MKLN1: variants seen among roughly 807,000 people sequenced by gnomAD.
The protein encoded by MKLN1 is muskelin 1.
In MKLN1, 18 loss-of-function variants were observed where a neutral mutation model predicts 99.0. That is an observed-to-expected ratio of 0.18 (90% CI 0.13 to 0.27). The LOEUF (loss-of-function observed/expected upper bound fraction) is 0.27. Among genes scored for constraint, MKLN1 ranks in the 10% least tolerant of loss-of-function variants. The pLI, the probability that MKLN1 is intolerant of heterozygous loss-of-function variation, is 1.00. For missense variants in MKLN1, 621 were observed against 875.9 expected, an observed-to-expected ratio of 0.71 and a Z score of 3.67; for synonymous variants, 288 against 293.2, an observed-to-expected ratio of 0.98 and a Z score of 0.18.
chr7:131,251,088 C>T (rs969866861), intron 3 of MKLN1, among the ~76,000 whole-genome samples: 15 of 128,772 alleles, frequency 1.2e-4, no homozygotes, highest in African/African-American at 4.0e-4. Flanking sequence ...AGCAATGGGG[C>T]CCAGATGTGT....
Position 131,130,111 on chromosome 7 carries a change from C to T in MKLN1, c.-418-12709C>T, listed in dbSNP as rs1010588810. ...GATGAAAGGATACATTTAAATTAGACAAAATTTAAATTTAGATGAGATTCA... is the reference window on the plus strand; with the variant it reads ...GATGAAAGGATACATTTAAATTAGATAAAATTTAAATTTAGATGAGATTCA... On this transcript the variant is annotated intron_variant, in intron 1 of 7. Transcript: ENST00000416992. Among the ~76,000 whole-genome samples, 10 of 152,066 alleles carry T rather than the reference C, an allele frequency of 6.6e-5. 1 individual carries two copies. Among genetic ancestry groups the T allele is most frequent in the Admixed American group, 2.0e-4 (3 of 15,272 alleles).
intron 1 of MKLN1, among the ~76,000 whole-genome samples, chr7:131,355,390 T>G (rs935743048): frequency 6.6e-6 from 1 of 151,956 alleles, no homozygotes; most frequent in Non-Finnish European, 1.5e-5. Context: ...TTATGATGAG[T>G]CTTTTTATGC....
chr7:131,121,186 GA>G (rs1795362592), intron 1 of MKLN1, among the ~76,000 whole-genome samples: 1 of 152,114 alleles, frequency 6.6e-6, no homozygotes, highest in Non-Finnish European at 1.5e-5. Context: ...TCAAACAACA[GA>G]TCTCGTGAGA....
At chr7:131,176,036 AC>A (rs1285985495) in intron 2 of MKLN1, among the ~76,000 whole-genome samples, 4 of 152,238 alleles carry the variant, frequency 2.6e-5, no homozygotes, top group Admixed American at 6.5e-5. Context: ...GAATTGAGGA[AC>A]TTACTATATT....
chr7:131,472,489 C>T lies in MKLN1; in HGVS notation c.2031+1545C>T, dbSNP rs556243130. The stretch of plus-strand genomic sequence containing the variant: ...TTTCTTCTTTTTAAAATAGTAACAA[C>T]TTAGGATTTTGTGTGCCACCAGCTT... On this transcript the variant is annotated intron_variant, in intron 16 of 17. Transcript: ENST00000352689. 2.6e-5 allele frequency among the ~76,000 whole-genome samples: 4 copies of T among 152,214 alleles called. No homozygotes were observed. The South Asian group carries it at 8.3e-4, about 32-fold the overall frequency.
intron 1 of MKLN1, among the ~76,000 whole-genome samples, chr7:131,134,787 T>G (rs1795623189): frequency 6.6e-6 from 1 of 152,212 alleles, no homozygotes; most frequent in African/African-American, 2.4e-5. Context: ...TTGGCTTTGC[T>G]GGCTCAGTCT....
At chr7:131,276,349 C>G (rs537377292) in intron 3 of MKLN1, among the ~76,000 whole-genome samples, 1 of 152,150 alleles carries the variant, frequency 6.6e-6, no homozygotes, top group South Asian at 2.1e-4. Flanking sequence ...AAAGAAAAGT[C>G]TAGTTCAGAG....
chr7:131,165,916 A>G (rs902185164), intron 2 of MKLN1, among the ~76,000 whole-genome samples: 3 of 152,270 alleles, frequency 2.0e-5, no homozygotes, highest in African/African-American at 7.2e-5. Context: ...GGAATTCGAG[A>G]CTAGCCGGGG....
At position 131,274,187 on chromosome 7, in the gene MKLN1, C is replaced by T. The variant is rs545609112; in HGVS notation, c.-179+71213C>T. On this transcript the variant is annotated intron_variant, in intron 3 of 7. Coordinates refer to the MKLN1 transcript ENST00000416992. ...AACATAAGTTGGGGACGGGGGAGGT[C>T]GTTTGTTCAAAGTCTCCAAGATAAC... is the stretch of plus-strand genomic sequence containing the variant. Among the ~76,000 whole-genome samples, 507 of 152,142 alleles carry T rather than the reference C, an allele frequency of 3.3e-3. 2 individuals are homozygous for T. The highest frequency in any genetic ancestry group is 0.012 in the African/African-American group (489 of 41,504).
chr7:131,211,019 A>G lies in MKLN1; in HGVS notation c.-179+8045A>G, dbSNP rs186340978. 1.2e-4 allele frequency among the ~76,000 whole-genome samples: 18 copies of G among 151,780 alleles called. No individual in the cohort carries two copies. In the East Asian group the frequency reaches 3.5e-3, roughly 30 times the overall value. ...AACACTGTCCTGGACTAGAGTATACATTTCTATGAAGATACCTTCTTACCT... is the reference window on the plus strand; with the variant it reads ...AACACTGTCCTGGACTAGAGTATACGTTTCTATGAAGATACCTTCTTACCT... On this transcript the variant is annotated intron_variant, in intron 3 of 7. Transcript: ENST00000416992.
chr7:131,360,989 T>G (rs1193672275), intron 1 of MKLN1, among the ~76,000 whole-genome samples: 1 of 152,140 alleles, frequency 6.6e-6, no homozygotes, highest in Non-Finnish European at 1.5e-5. Flanking sequence ...TTTTCTTGCT[T>G]GCATAGTTTC....
intron 3 of MKLN1, among the ~76,000 whole-genome samples, chr7:131,232,800 G>T (rs181552867): frequency 2.6e-5 from 4 of 152,078 alleles, no homozygotes; most frequent in Non-Finnish European, 4.4e-5. Flanking sequence ...AGTGAGCTAC[G>T]ATGCCACTGC....
intron 1 of MKLN1, among the ~76,000 whole-genome samples, chr7:131,364,082 T>A (rs1301490739): frequency 6.6e-6 from 1 of 152,092 alleles, no homozygotes; most frequent in South Asian, 2.1e-4. Flanking sequence ...TATATGTAAG[T>A]CTAAGTGATT....
At chr7:131,119,661 A>T (rs1285506636) in intron 1 of MKLN1, among the ~76,000 whole-genome samples, 1 of 152,066 alleles carries the variant, frequency 6.6e-6, no homozygotes, top group Non-Finnish European at 1.5e-5. Context: ...AGACTCCCAA[A>T]CCTTGATTCT....
chr7:131,388,673 G>A (rs990838107), intron 3 of MKLN1, among the ~76,000 whole-genome samples: 11 of 152,076 alleles, frequency 7.2e-5, no homozygotes, highest in Admixed American at 1.3e-4. Flanking sequence ...ATTAATCCTC[G>A]TATAATTAAG....
intron 2 of MKLN1, among the ~76,000 whole-genome samples, chr7:131,378,803 C>G (rs1584673272): frequency 6.6e-6 from 1 of 151,884 alleles, no homozygotes; most frequent in East Asian, 1.9e-4. Flanking sequence ...GCACTCCAGC[C>G]TGGGTGACAG....
At position 131,198,400 on chromosome 7, in the gene MKLN1, G is replaced by A. The variant is rs192611126; in HGVS notation, c.-296-4457G>A. ...TTTTTTTAAAGAAAAGCAAAGTTGA[G>A]CAAAGCGTTCCCAAGTTACCTAAAT... On this transcript the variant is annotated intron_variant, in intron 2 of 7. Coordinates refer to the MKLN1 transcript ENST00000416992. Among the ~76,000 whole-genome samples, 5 of 152,328 alleles carry A rather than the reference G, an allele frequency of 3.3e-5. No individual in the cohort carries two copies. The East Asian group carries it at 9.6e-4, about 29-fold the overall frequency.
chr7:131,342,433 A>C (rs1647121186), intron 1 of MKLN1, among the ~76,000 whole-genome samples: 2 of 152,202 alleles, frequency 1.3e-5, no homozygotes. Flanking sequence ...TACTTTGCTA[A>C]GCAGTTTGTG....
intron 3 of MKLN1, among the ~76,000 whole-genome samples, chr7:131,233,109 G>A (rs1273103241): frequency 6.6e-6 from 1 of 152,146 alleles, no homozygotes; most frequent in Non-Finnish European, 1.5e-5. Flanking sequence ...GGAGGCCGAG[G>A]AGGAAGGATT....
Sources: gnomAD v4.1 joint callset for allele counts (sites outside exome capture counted in the v4.1 genomes callset) on GRCh38, gnomAD v4.1.1 for gene constraint, MANE v1.5 for transcripts, NCBI Gene and HGNC (gene_info 2026-07-23, HGNC 2026-07-21) for gene names.